Variants in TIGIT observed in about 807,000 individuals in gnomAD.
The protein encoded by TIGIT is T-cell immunoreceptor with Ig and ITIM domains.
Under a neutral mutation model 19.6 loss-of-function variants are expected in TIGIT, and 11 were observed. That is an observed-to-expected ratio of 0.56 (90% confidence interval 0.35 to 0.93). The LOEUF (loss-of-function observed/expected upper bound fraction) is 0.93. Ranked by LOEUF, TIGIT falls within the 40% of genes least tolerant of loss-of-function variation. The pLI, the probability that TIGIT is intolerant of heterozygous loss-of-function variation, is 0.01. For missense variants in TIGIT, 295 were observed against 303.9 expected (o/e 0.97, Z 0.22); for synonymous variants, 130 against 125.5 (o/e 1.04, Z -0.24).
intron 3 of TIGIT, among the ~76,000 whole-genome samples, chr3:114,300,703 G>A (rs1385528432): frequency 6.6e-6 from 1 of 152,134 alleles, no homozygotes; most frequent in Admixed American, 6.5e-5. Flanking sequence ...TGTATTTGGC[G>A]AGGTTCATCC....
intron 3 of TIGIT, among the ~76,000 whole-genome samples, chr3:114,303,529 GTATA>G (rs1309447921): frequency 0.19 from 1,806 of 9,602 alleles, 134 homozygotes; most frequent in African/African-American, 0.27. Context: ...ACATATATAT[GTATA>G]TATATACACA....
At chr3:114,294,153 G>T in intron 1 of TIGIT, 31 bp downstream of exon 1, 1 of 1,526,140 alleles carries the variant, frequency 6.6e-7, no homozygotes. Context: ...GAGCAGCAGG[G>T]AGGAAAAACA....
rs931251919 is a variant in TIGIT at position 114,308,905 on chromosome 3, T to A, written c.*774T>A. 6.6e-6 allele frequency: 1 copy of A among 151,990 alleles called. No homozygotes were observed. The highest frequency in any genetic ancestry group is 2.4e-5 in the African/African-American group (1 of 41,332). 9.4% of individuals were successfully genotyped at this position (151,990 alleles called of 1,614,324 possible). A position where few individuals can be genotyped will look rare whatever the true frequency, so the allele number is the denominator to read the frequency against. On this transcript the variant is annotated 3_prime_UTR_variant, in exon 4 of 4. Transcript: ENST00000383671. Reference sequence around the variant, plus strand: ...AAAGAAGGCCCTGGCACCAAGGGAGTCAGCAAACTTCAGATTTTATTCTCT... The same window carrying A: ...AAAGAAGGCCCTGGCACCAAGGGAGACAGCAAACTTCAGATTTTATTCTCT...
rs66928179 is a variant in TIGIT, at chr3:114,303,516, TACAC to T, written c.498+3815_498+3818del. Among the ~76,000 whole-genome samples, 27 of 59,528 alleles carry T rather than the reference TACAC, an allele frequency of 4.5e-4. 1 individual carries two copies. Among genetic ancestry groups the T allele is most frequent in the African/African-American group, 9.1e-4 (10 of 11,004 alleles). The allele number at this position is 59,528 out of a possible 152,430, so 39.1% of individuals were successfully genotyped here. A position where few individuals can be genotyped will look rare whatever the true frequency, so the allele number is the denominator to read the frequency against. On this transcript the variant is annotated intron_variant, in intron 3 of 3. Transcript: ENST00000383671. ...GTGTATATATATATGTATATATATA[TACAC>T]ATATATATGTATATATATACACATA...
chr3:114,304,945 G>A (rs1332343686), intron 3 of TIGIT, among the ~76,000 whole-genome samples: 4 of 152,160 alleles, frequency 2.6e-5, no homozygotes, highest in African/African-American at 9.7e-5. Flanking sequence ...CTTCTTTAAA[G>A]TCCTGTCCCT....
At position 114,309,886 on chromosome 3, in the gene TIGIT, T is replaced by A. The variant is rs2078560801; in HGVS notation, c.*1755T>A. The A allele has an allele frequency of 6.6e-6, 1 of 152,194 alleles. No individual in the cohort carries two copies. Among genetic ancestry groups the A allele is most frequent in the Non-Finnish European group, 1.5e-5 (1 of 68,032 alleles). 9.4% of individuals were successfully genotyped at this position (152,194 alleles called of 1,614,324 possible). ...ACATAATTATGGTAATTGGGAAACATTTATAAACACTATTGGGATGGTGAT... is the reference window on the plus strand; with the variant it reads ...ACATAATTATGGTAATTGGGAAACAATTATAAACACTATTGGGATGGTGAT... On this transcript the variant is annotated 3_prime_UTR_variant, in exon 4 of 4. Coordinates refer to ENST00000383671, the MANE Select transcript of TIGIT (RefSeq NM_173799.4).
rs763135636 is a variant in TIGIT at position 114,307,966 on chromosome 3, C to A, written c.570C>A (p.Ser190Arg). The A allele has an allele frequency of 6.2e-7, 1 of 1,614,092 alleles. No individual in the cohort carries two copies. Among genetic ancestry groups the A allele is most frequent in the Admixed American group, 1.7e-5 (1 of 60,026 alleles). The change falls in exon 4 of 4, where the codon AGC becomes AGA. Residue 190 changes from serine (S) to arginine (R), a missense_variant. By Grantham distance (110) the Ser-to-Arg change is moderately radical. Coordinates refer to ENST00000383671, the MANE Select transcript of TIGIT (RefSeq NM_173799.4). The part of the protein sequence containing the change: ...RRKSAGQEEW[S>R]PSAPSPPGSC... ...AATCAGCTGGACAGGAGGAATGGAG[C>A]CCCAGTGCTCCCTCACCCCCAGGAA...
chr3:114,303,512 TATATAC>T (rs1358078778), intron 3 of TIGIT, among the ~76,000 whole-genome samples: 1 of 7,004 alleles, frequency 1.4e-4, no homozygotes, highest in Non-Finnish European at 7.9e-4. Flanking sequence ...TATGTATATA[TATATAC>T]ACATATATAT....
intron 3 of TIGIT, among the ~76,000 whole-genome samples, chr3:114,300,656 C>T (rs2078486834): frequency 6.6e-6 from 1 of 152,102 alleles, no homozygotes; most frequent in South Asian, 2.1e-4. Flanking sequence ...GTTTATTTGG[C>T]TCATGGTTCT....
At chr3:114,307,744 T>C in intron 3 of TIGIT, 151 bp from the exon 4 acceptor site, 1 of 706,104 alleles carries the variant, frequency 1.4e-6, no homozygotes, top group Admixed American at 2.6e-5. Flanking sequence ...GTAACGCGGT[T>C]GAGAAATTAA....
At chr3:114,307,805 G>C (rs999396347) in intron 3 of TIGIT, 90 bp from the exon 4 acceptor site, 6 of 1,195,228 alleles carry the variant, frequency 5.0e-6, no homozygotes, top group Non-Finnish European at 7.4e-6. Context: ...GTGTGCATGT[G>C]TGTAAGAAAG....
chr3:114,300,545 C>T (rs551483350), intron 3 of TIGIT, among the ~76,000 whole-genome samples: 1 of 152,114 alleles, frequency 6.6e-6, no homozygotes, highest in Non-Finnish European at 1.5e-5. Context: ...CTTAATCTTT[C>T]AAGGTCTTCA....
At chr3:114,307,165 G>T (rs2078540540) in intron 3 of TIGIT, among the ~76,000 whole-genome samples, 1 of 152,190 alleles carries the variant, frequency 6.6e-6, no homozygotes, top group South Asian at 2.1e-4. Flanking sequence ...GAATATAGGG[G>T]CAGGAGTGGT....
Position 114,309,086 on chromosome 3 carries a change from C to T in TIGIT, c.*955C>T, listed in dbSNP as rs1228112197. On this transcript the variant is annotated 3_prime_UTR_variant, in exon 4 of 4. Transcript: ENST00000383671. Reference sequence around the variant, plus strand: ...CAAGTCGTAGCATTTGGGCCTTGATCTACCTTTTCTGCATCAATACACTCT... The same window carrying T: ...CAAGTCGTAGCATTTGGGCCTTGATTTACCTTTTCTGCATCAATACACTCT... The T allele has an allele frequency of 6.6e-6, 1 of 152,192 alleles. No individual in the cohort carries two copies. Among genetic ancestry groups the T allele is most frequent in the Admixed American group, 6.5e-5 (1 of 15,276 alleles). The allele number at this position is 152,192 out of a possible 1,614,324, so 9.4% of individuals were successfully genotyped here. A position where few individuals can be genotyped will look rare whatever the true frequency, so the allele number is the denominator to read the frequency against.
At chr3:114,306,540 A>G (rs539098248) in intron 3 of TIGIT, among the ~76,000 whole-genome samples, 1 of 152,326 alleles carries the variant, frequency 6.6e-6, no homozygotes, top group South Asian at 2.1e-4. Flanking sequence ...TAGCTGTACC[A>G]CCTAACTTTG....
rs777679603 is a variant in TIGIT, at chr3:114,295,751, G to A, written c.268G>A (p.Gly90Ser). Residue 90 changes from glycine to serine, a missense_variant, in exon 2 of 4, where the codon GGC becomes AGC. Gly to Ser is a moderately conservative substitution (Grantham distance 56, BLOSUM62 0). Transcript: ENST00000383671. ...SFKDRVAPGP[G>S]LGLTLQSLTV... Reference sequence around the variant, plus strand: ...CAAGGATCGAGTGGCCCCAGGTCCCGGCCTGGGCCTCACCCTCCAGTCGCT... The same window carrying A: ...CAAGGATCGAGTGGCCCCAGGTCCCAGCCTGGGCCTCACCCTCCAGTCGCT... 18 of 1,614,060 alleles carry A rather than the reference G, an allele frequency of 1.1e-5. No homozygotes were observed. Among genetic ancestry groups the A allele is most frequent in the Admixed American group, 3.3e-5 (2 of 60,006 alleles).
intron 2 of TIGIT, chr3:114,296,093 G>T: frequency 2.0e-6 from 1 of 495,176 alleles, no homozygotes; most frequent in Non-Finnish European, 3.6e-6. Flanking sequence ...GCATTTCCAG[G>T]TGATTCTAAT....
intron 3 of TIGIT, among the ~76,000 whole-genome samples, chr3:114,301,756 C>G (rs920358700): frequency 2.0e-5 from 3 of 152,214 alleles, no homozygotes; most frequent in Non-Finnish European, 4.4e-5. Context: ...TTCCCCAGCC[C>G]TCTCTGACAT....
At chr3:114,298,874 T>C (rs958398083) in intron 2 of TIGIT, among the ~76,000 whole-genome samples, 4 of 152,168 alleles carry the variant, frequency 2.6e-5, no homozygotes, top group Non-Finnish European at 4.4e-5. Flanking sequence ...GCAGCATGCA[T>C]GGGGGTGATG....
Sources: allele counts gnomAD v4.1 joint callset (sites outside exome capture counted in the v4.1 genomes callset), GRCh38; gene constraint gnomAD v4.1.1; transcripts MANE v1.5; gene names NCBI Gene and HGNC (gene_info 2026-07-23, HGNC 2026-07-21).